Variants in CSMD3 observed in about 807,000 individuals in gnomAD.
CSMD3 encodes the protein CUB and sushi domain-containing protein 3.
In CSMD3, 177 loss-of-function variants were observed where a neutral mutation model predicts 435.2. The observed-to-expected ratio is 0.41, with a 90% confidence interval of 0.36 to 0.46. CSMD3 has a LOEUF of 0.46. Ranked by LOEUF, CSMD3 falls within the 20% of genes least tolerant of loss-of-function variation. CSMD3 has a pLI of 0.34. For missense variants in CSMD3, 4,265 were observed against 4,504.6 expected, an observed-to-expected ratio of 0.95 and a Z score of 1.52; for synonymous variants, 1,656 against 1,520.5, an observed-to-expected ratio of 1.09 and a Z score of -2.07.
intron 1 of CSMD3, among the ~76,000 whole-genome samples, chr8:113,353,669 T>A (rs886411763): frequency 3.9e-5 from 6 of 152,206 alleles, no homozygotes; most frequent in Admixed American, 1.3e-4. Flanking sequence ...TTCTGCACAG[T>A]GACCTTTTAT....
At chr8:112,932,196 T>C (rs1260145523) in intron 9 of CSMD3, among the ~76,000 whole-genome samples, 1 of 152,202 alleles carries the variant, frequency 6.6e-6, no homozygotes, top group Non-Finnish European at 1.5e-5. Flanking sequence ...TCAATCTAAG[T>C]GTCTATCAGC....
intron 5 of CSMD3, among the ~76,000 whole-genome samples, chr8:113,030,916 T>C (rs2087081995): frequency 6.6e-6 from 1 of 151,518 alleles, no homozygotes; most frequent in African/African-American, 2.4e-5. Context: ...TGAGTAGATA[T>C]TTGGCAAATG....
chr8:112,513,921 A>G (rs777329185), intron 28 of CSMD3, among the ~76,000 whole-genome samples: 6 of 152,184 alleles, frequency 3.9e-5, no homozygotes, highest in Non-Finnish European at 8.8e-5. Context: ...GAAACAGTAT[A>G]GAGATGCATA....
At chr8:112,771,889 G>A (rs757552662) in intron 13 of CSMD3, among the ~76,000 whole-genome samples, 20 of 152,064 alleles carry the variant, frequency 1.3e-4, no homozygotes, top group Admixed American at 3.9e-4. Context: ...AAATGGAAAC[G>A]ACGCATTTCT....
At chr8:113,165,019 C>CCA (rs2092123172) in intron 4 of CSMD3, among the ~76,000 whole-genome samples, 1 of 152,122 alleles carries the variant, frequency 6.6e-6, no homozygotes, top group Non-Finnish European at 1.5e-5. Context: ...CAAAAGAATA[C>CCA]CAGATGGTCA....
chr8:113,120,947 A>T (rs1176151816), intron 4 of CSMD3, among the ~76,000 whole-genome samples: 1 of 152,152 alleles, frequency 6.6e-6, no homozygotes, highest in Non-Finnish European at 1.5e-5. Context: ...GGGCCTCAGA[A>T]ACAACAATGC....
chr8:112,476,971 C>A (rs1048412234), intron 31 of CSMD3, among the ~76,000 whole-genome samples: 5 of 152,118 alleles, frequency 3.3e-5, no homozygotes, highest in Admixed American at 1.3e-4. Flanking sequence ...TCATATTTCT[C>A]TTCTCTTCTC....
chr8:112,854,356 T>C (rs544794391), intron 11 of CSMD3, among the ~76,000 whole-genome samples: 1 of 152,250 alleles, frequency 6.6e-6, no homozygotes, highest in Admixed American at 6.5e-5. Flanking sequence ...TTATCTTTTG[T>C]GATTGAAACA....
intron 24 of CSMD3, among the ~76,000 whole-genome samples, chr8:112,557,272 T>C (rs1347574989): frequency 2.0e-5 from 3 of 151,952 alleles, no homozygotes; most frequent in Non-Finnish European, 4.4e-5. Context: ...TACCATGATA[T>C]AACAACAAGT....
At chr8:112,379,759 G>T (rs1376445302) in intron 38 of CSMD3, among the ~76,000 whole-genome samples, 1 of 152,236 alleles carries the variant, frequency 6.6e-6, no homozygotes, top group Middle Eastern at 3.4e-3. Context: ...CACAATTCTT[G>T]ATTATATATT....
At position 113,024,776 on chromosome 8, in the gene CSMD3, G is replaced by C. The variant is rs530747117; in HGVS notation, c.918-5597C>G. On this transcript the variant is annotated intron_variant, in intron 5 of 70. Transcript: ENST00000297405. ...TGAAGGTTATCTGTTCTGGTCCATTGCCAATTTTTTCATCAGTAGTAAAGT... is the reference window on the plus strand; with the variant it reads ...TGAAGGTTATCTGTTCTGGTCCATTCCCAATTTTTTCATCAGTAGTAAAGT... Among the ~76,000 whole-genome samples the C allele has an allele frequency of 1.1e-4, 17 of 152,124 alleles. No homozygotes were observed. In the South Asian group the frequency reaches 3.3e-3, roughly 30 times the overall value.
chr8:113,178,397 T>C (rs971822716), intron 3 of CSMD3, among the ~76,000 whole-genome samples: 1 of 151,944 alleles, frequency 6.6e-6, no homozygotes, highest in African/African-American at 2.4e-5. Context: ...AGATATTCAT[T>C]CCACAAGTAT....
intron 4 of CSMD3, among the ~76,000 whole-genome samples, chr8:113,141,657 G>GA (rs1462065721): frequency 6.6e-6 from 1 of 150,512 alleles, no homozygotes; most frequent in Non-Finnish European, 1.5e-5. Context: ...AAAAAACTCA[G>GA]AAAAAAAGAA....
chr8:112,510,971 C>A (rs966368057), intron 28 of CSMD3, among the ~76,000 whole-genome samples: 2 of 152,122 alleles, frequency 1.3e-5, no homozygotes, highest in South Asian at 4.1e-4. Flanking sequence ...AAAATAGCAA[C>A]ATATTTTACC....
chr8:112,441,818 C>A (rs937200554), intron 32 of CSMD3, among the ~76,000 whole-genome samples: 20 of 152,162 alleles, frequency 1.3e-4, no homozygotes, highest in Admixed American at 6.5e-4. Context: ...CCACCACCCA[C>A]CATGATTCAA....
At chr8:113,288,393 C>G (rs2093661292) in intron 2 of CSMD3, among the ~76,000 whole-genome samples, 1 of 151,864 alleles carries the variant, frequency 6.6e-6, no homozygotes, top group Admixed American at 6.6e-5. Flanking sequence ...GTTTGATCTT[C>G]AGGATCAACA....
chr8:113,250,870 C>T (rs1353622816), intron 3 of CSMD3, among the ~76,000 whole-genome samples: 1 of 151,876 alleles, frequency 6.6e-6, no homozygotes, highest in Non-Finnish European at 1.5e-5. Flanking sequence ...TGGTTTCTAG[C>T]CAGCGCGGAA....
At chr8:113,316,250 A>G (rs1489243276) in intron 1 of CSMD3, among the ~76,000 whole-genome samples, 2 of 152,178 alleles carry the variant, frequency 1.3e-5, no homozygotes, top group African/African-American at 4.8e-5. Flanking sequence ...TGTAAATCAG[A>G]GTTATCAAGC....
At chr8:113,286,112 C>G (rs544251084) in intron 2 of CSMD3, among the ~76,000 whole-genome samples, 7 of 152,114 alleles carry the variant, frequency 4.6e-5, no homozygotes, top group African/African-American at 1.7e-4. Flanking sequence ...ACACCTCCAA[C>G]CCCATCTTAG....
Sources: allele counts gnomAD v4.1 joint callset (sites outside exome capture counted in the v4.1 genomes callset), GRCh38; gene constraint gnomAD v4.1.1; transcripts MANE v1.5; gene names NCBI Gene and HGNC (gene_info 2026-07-23, HGNC 2026-07-21).